Variants in HSPA12A observed in about 807,000 individuals in gnomAD.
HSPA12A encodes heat shock protein family A (Hsp70) member 12A.
A neutral mutation model predicts 69.2 loss-of-function variants in HSPA12A; 28 were observed. That is an observed-to-expected ratio of 0.40 (90% confidence interval 0.30 to 0.55). The LOEUF (loss-of-function observed/expected upper bound fraction) is 0.55. Ranked by LOEUF, HSPA12A falls within the 20% of genes least tolerant of loss-of-function variation. HSPA12A has a pLI of 0.38. For missense variants in HSPA12A, 686 were observed against 900.7 expected (o/e 0.76, Z 3.05); for synonymous variants, 345 against 370.5 (o/e 0.93, Z 0.79).
intron 2 of HSPA12A, chr10:116,828,780 T>C (rs1178539130): frequency 1.3e-5 from 2 of 152,204 alleles, no homozygotes; most frequent in Non-Finnish European, 2.9e-5. Context: ...AAATTACTTT[T>C]ATGTACACAA....
intron 2 of HSPA12A, among the ~76,000 whole-genome samples, chr10:116,815,729 C>T (rs1038703145): frequency 3.9e-5 from 6 of 152,182 alleles, no homozygotes; most frequent in African/African-American, 1.4e-4. Flanking sequence ...CCTCCAACTC[C>T]CCCACCAAAC....
chr10:116,782,742 G>A (rs1235620645), intron 2 of HSPA12A, among the ~76,000 whole-genome samples: 1 of 152,210 alleles, frequency 6.6e-6, no homozygotes, highest in African/African-American at 2.4e-5. Flanking sequence ...GGTAGGGGCT[G>A]CCTGGTCAGG....
chr10:116,771,554 CAG>C (rs1554890495), intron 2 of HSPA12A, among the ~76,000 whole-genome samples: 2 of 152,226 alleles, frequency 1.3e-5, no homozygotes, highest in African/African-American at 4.8e-5. Flanking sequence ...AGGGCCTAGA[CAG>C]AGGGCCCCCG....
At chr10:116,688,873 G>C (rs576120264) in intron 6 of HSPA12A, among the ~76,000 whole-genome samples, 1 of 152,322 alleles carries the variant, frequency 6.6e-6, no homozygotes, top group African/African-American at 2.4e-5. Context: ...CACAGCTTCA[G>C]AACAGTCTCC....
At chr10:116,701,526 A>T (rs1177480260) in intron 3 of HSPA12A, among the ~76,000 whole-genome samples, 1 of 152,262 alleles carries the variant, frequency 6.6e-6, no homozygotes, top group Admixed American at 6.5e-5. Context: ...TGTCTGAAAC[A>T]AGGTAGGTAT....
In HSPA12A at chr10:116,723,661, C is replaced by G. The variant is rs74161315; in HGVS notation, c.41-16376G>C. Among the ~76,000 whole-genome samples, 16,233 of 152,208 alleles carry G rather than the reference C, an allele frequency of 0.11. 2,048 individuals carry two copies. The highest frequency in any genetic ancestry group is 0.3 in the African/African-American group (12,606 of 41,498). ...GAAGCATGGGGCCTCCCCTGACATT[C>G]ATTCCTGAGACCCACTGCGCACACG... On this transcript the variant is annotated intron_variant, in intron 1 of 11. Coordinates refer to ENST00000369209, the MANE Select transcript of HSPA12A (RefSeq NM_025015.3). The surrounding 1 kb of genome is among the most constrained non-coding windows in gnomAD (Gnocchi z 4.1).
Position 116,681,041 on chromosome 10 carries a change from A to T in HSPA12A, c.1027+111T>A, listed in dbSNP as rs182944564. The T allele has an allele frequency of 1.5e-3, 1,055 of 725,020 alleles. 2 individuals are homozygous for T. Among genetic ancestry groups the T allele is most frequent in the Non-Finnish European group, 1.7e-3 (676 of 407,466 alleles). 44.9% of individuals were successfully genotyped at this position (725,020 alleles called of 1,614,324 possible). ...AGTATCCTCCACCGCCTACGATCCC[A>T]CATGTTAGTGGCATTCAAGAGAATA... On this transcript the variant is annotated intron_variant, in intron 9 of 11. Coordinates refer to ENST00000369209, the MANE Select transcript of HSPA12A (RefSeq NM_025015.3).
At chr10:116,711,735 C>G (rs1201204166) in intron 1 of HSPA12A, among the ~76,000 whole-genome samples, 5 of 148,478 alleles carry the variant, frequency 3.4e-5, no homozygotes, top group African/African-American at 1.0e-4. Context: ...GCGATCTCGG[C>G]TCACTGCAAG....
intron 2 of HSPA12A, among the ~76,000 whole-genome samples, chr10:116,770,861 A>G (rs2133116667): frequency 6.6e-6 from 1 of 150,684 alleles, no homozygotes; most frequent in Non-Finnish European, 1.5e-5. Flanking sequence ...AGCCTTTTCT[A>G]AGGATGCCTT....
rs1477257772 is a variant in HSPA12A, at chr10:116,675,827, C to T, written c.1391-409G>A. ...CTCCTAGAGAGTCTGATTTGGTAGGCGGGGGACAGGATACTGAAAGAGGTC... is the reference window on the plus strand; with the variant it reads ...CTCCTAGAGAGTCTGATTTGGTAGGTGGGGGACAGGATACTGAAAGAGGTC... On this transcript the variant is annotated intron_variant, in intron 11 of 11. Coordinates refer to ENST00000369209, the MANE Select transcript of HSPA12A (RefSeq NM_025015.3). This position sits in a 1 kb window ranked among gnomAD's most constrained non-coding sequence, Gnocchi z 5.2. Among the ~76,000 whole-genome samples the T allele has an allele frequency of 2.0e-5, 3 of 152,096 alleles. No homozygotes were observed. Among genetic ancestry groups the T allele is most frequent in the Admixed American group, 6.5e-5 (1 of 15,278 alleles).
chr10:116,725,078 C>T (rs1352842478), intron 1 of HSPA12A, among the ~76,000 whole-genome samples: 1 of 152,224 alleles, frequency 6.6e-6, no homozygotes, highest in African/African-American at 2.4e-5. Context: ...GAACCCAGGA[C>T]TTGAGCTGTT....
At chr10:116,769,700 T>C (rs1554890186) in intron 2 of HSPA12A, among the ~76,000 whole-genome samples, 1 of 152,160 alleles carries the variant, frequency 6.6e-6, no homozygotes, top group East Asian at 1.9e-4. Context: ...GCTCAATAAA[T>C]TAGAGCAAAA....
chr10:116,694,932 C>T (rs1216986623), intron 5 of HSPA12A, among the ~76,000 whole-genome samples: 10 of 152,154 alleles, frequency 6.6e-5, no homozygotes, highest in Non-Finnish European at 1.3e-4. Flanking sequence ...CCGAACACCA[C>T]CCAGTCCCCT....
At chr10:116,841,605 CAT>C (rs1190142887) in intron 1 of HSPA12A, among the ~76,000 whole-genome samples, 2 of 152,040 alleles carry the variant, frequency 1.3e-5, no homozygotes, top group African/African-American at 4.8e-5. Context: ...TGTGGAAGTA[CAT>C]ACAGCTTCAA....
rs1554876857 is a variant in HSPA12A, at chr10:116,672,417, T to C, written c.*2364A>G. The C allele has an allele frequency of 1.3e-5, 2 of 152,178 alleles. No individual in the cohort carries two copies. Among genetic ancestry groups the C allele is most frequent in the African/African-American group, 4.8e-5 (2 of 41,440 alleles). 9.4% of individuals were successfully genotyped at this position (152,178 alleles called of 1,614,324 possible). ...TCCTTTCAATGGAATCTGTGACTGTTTGGGAAGGATGTGCATGGAGAAGGG... is the reference window on the plus strand; with the variant it reads ...TCCTTTCAATGGAATCTGTGACTGTCTGGGAAGGATGTGCATGGAGAAGGG... On this transcript the variant is annotated 3_prime_UTR_variant, in exon 12 of 12. Coordinates refer to ENST00000369209, the MANE Select transcript of HSPA12A (RefSeq NM_025015.3).
chr10:116,697,737 G>C lies in HSPA12A; in HGVS notation c.546+898C>G, dbSNP rs78195551. 3.5e-3 allele frequency among the ~76,000 whole-genome samples: 537 copies of C among 152,246 alleles called. 1 individual carries two copies. The highest frequency in any genetic ancestry group is 0.02 in the Middle Eastern group (6 of 294). ...TCCCAGTTATAAAGTGTGTAGTTCA[G>C]TGGGTTTTCGTATATTCACAAGGTT... is the stretch of plus-strand genomic sequence containing the variant. On this transcript the variant is annotated intron_variant, in intron 5 of 11. Transcript: ENST00000369209.
chr10:116,685,219 G>A (rs909728638), intron 6 of HSPA12A, among the ~76,000 whole-genome samples: 1 of 152,126 alleles, frequency 6.6e-6, no homozygotes, highest in Admixed American at 6.6e-5. Flanking sequence ...AGGTTCAGAA[G>A]GTCTCCTAAT....
chr10:116,802,985 C>A (rs1382929095), intron 2 of HSPA12A, among the ~76,000 whole-genome samples: 2 of 152,178 alleles, frequency 1.3e-5, no homozygotes, highest in Admixed American at 1.3e-4. Flanking sequence ...GGAACAGGGC[C>A]CAAGCCAGCT....
At chr10:116,828,215 A>G (rs781113921) in intron 2 of HSPA12A, among the ~76,000 whole-genome samples, 1 of 152,228 alleles carries the variant, frequency 6.6e-6, no homozygotes, top group African/African-American at 2.4e-5. Flanking sequence ...GGTATGTTTC[A>G]TTAGCGGTTT....
Sources: gnomAD v4.1 joint callset for allele counts (sites outside exome capture counted in the v4.1 genomes callset) on GRCh38, gnomAD v4.1.1 for gene constraint, Gnocchi (gnomAD v3.1) non-coding constraint, MANE v1.5 for transcripts, NCBI Gene and HGNC (gene_info 2026-07-23, HGNC 2026-07-21) for gene names.